LEF1: variants seen among roughly 807,000 people sequenced by gnomAD.
The protein encoded by LEF1 is lymphoid enhancer-binding factor 1.
Under a neutral mutation model 51.2 loss-of-function variants are expected in LEF1, and 14 were observed. The ratio of observed to expected loss-of-function variants is 0.27; its 90% CI spans 0.18 to 0.43. LEF1 has a LOEUF of 0.43. Among genes scored for constraint, LEF1 ranks in the 20% least tolerant of loss-of-function variants. LEF1 has a pLI of 1.00. For synonymous variants in LEF1, 185 were observed against 183.2 expected, an observed-to-expected ratio of 1.01 and a Z score of -0.08; for missense variants, 386 against 512.0, an observed-to-expected ratio of 0.75 and a Z score of 2.37.
intron 3 of LEF1, among the ~76,000 whole-genome samples, chr4:108,090,890 C>T (rs924624892): frequency 2.0e-5 from 3 of 152,158 alleles, no homozygotes; most frequent in Non-Finnish European, 4.4e-5. Context: ...AGGGACTCAA[C>T]ACAATTATAT....
chr4:108,165,365 C>T, intron 1 of LEF1: 1 of 520,398 alleles, frequency 1.9e-6, no homozygotes. Context: ...GATTATTATC[C>T]ACCCGGGACC....
intron 3 of LEF1, among the ~76,000 whole-genome samples, chr4:108,139,403 T>G (rs1426723594): frequency 2.6e-5 from 4 of 152,258 alleles, no homozygotes; most frequent in Non-Finnish European, 1.5e-5. Flanking sequence ...TTAAATAGCA[T>G]GGCATCTACA....
chr4:108,081,940 C>T (rs747181591), intron 5 of LEF1, among the ~76,000 whole-genome samples: 4 of 152,186 alleles, frequency 2.6e-5, no homozygotes, highest in Non-Finnish European at 5.9e-5. Context: ...CCTCTCCCAA[C>T]CCCATTAATG....
chr4:108,092,158 G>A (rs1057152114), intron 3 of LEF1, among the ~76,000 whole-genome samples: 2 of 152,000 alleles, frequency 1.3e-5, no homozygotes, highest in African/African-American at 2.4e-5. Context: ...TTAATTTTAC[G>A]GTTTTCAACA....
At chr4:108,077,288 G>A (rs56124661) in intron 8 of LEF1, among the ~76,000 whole-genome samples, 4 of 151,968 alleles carry the variant, frequency 2.6e-5, no homozygotes, top group South Asian at 2.1e-4. Flanking sequence ...CTGCCTGGCC[G>A]CCCAACTGAC....
intron 3 of LEF1, among the ~76,000 whole-genome samples, chr4:108,111,992 C>T (rs1741562276): frequency 6.6e-6 from 1 of 152,182 alleles, no homozygotes; most frequent in African/African-American, 2.4e-5. Flanking sequence ...GACACTGTAT[C>T]TTCTCATCTG....
chr4:108,156,863 T>G, intron 3 of LEF1, among the ~76,000 whole-genome samples: 1 of 142,614 alleles, frequency 7.0e-6, no homozygotes, highest in Non-Finnish European at 1.5e-5. Context: ...GGTGAGGGGG[T>G]AGGAGGGGGG....
intron 3 of LEF1, among the ~76,000 whole-genome samples, chr4:108,122,529 G>A (rs1481650059): frequency 6.6e-6 from 1 of 152,174 alleles, no homozygotes; most frequent in Non-Finnish European, 1.5e-5. Context: ...CCAGGCTGGA[G>A]TGCAGTGGTT....
intron 3 of LEF1, among the ~76,000 whole-genome samples, chr4:108,155,079 C>A (rs1181516147): frequency 6.6e-6 from 1 of 152,134 alleles, no homozygotes; most frequent in Non-Finnish European, 1.5e-5. Context: ...CATACGGCTC[C>A]TGGATATCCT....
intron 4 of LEF1, among the ~76,000 whole-genome samples, chr4:108,085,048 C>T (rs551584496): frequency 1.1e-4 from 16 of 152,240 alleles, no homozygotes; most frequent in Admixed American, 6.5e-4. Flanking sequence ...ACTTGAAAAT[C>T]GTAGCGGTCA....
At chr4:108,131,401 A>C (rs1337041496) in intron 3 of LEF1, among the ~76,000 whole-genome samples, 1 of 152,144 alleles carries the variant, frequency 6.6e-6, no homozygotes, top group African/African-American at 2.4e-5. Context: ...AAAAAAAAAA[A>C]AAAATGTTTT....
In LEF1 at chr4:108,113,406, C is replaced by CTT. The variant is rs1741647765; in HGVS notation, c.415-24151_415-24150dup. Reference sequence around the variant, plus strand: ...AAGGGAACACCTACTGAACGACTGTCTTTTGACAAGTCCTGAAACAAACCC... The same window carrying CTT: ...AAGGGAACACCTACTGAACGACTGTCTTTTTTGACAAGTCCTGAAACAAACCC... On this transcript the variant is annotated intron_variant, in intron 3 of 11. Transcript: ENST00000265165. 2.0e-5 allele frequency among the ~76,000 whole-genome samples: 3 copies of CTT among 152,156 alleles called. No homozygotes were observed. In the South Asian group the frequency reaches 6.2e-4, roughly 31 times the overall value.
At chr4:108,132,383 T>C (rs1165716138) in intron 3 of LEF1, among the ~76,000 whole-genome samples, 2 of 152,060 alleles carry the variant, frequency 1.3e-5, no homozygotes, top group Non-Finnish European at 2.9e-5. Context: ...TAGAATCCCT[T>C]TTTCCTCTTC....
chr4:108,117,359 A>G (rs1004574222), intron 3 of LEF1, among the ~76,000 whole-genome samples: 2 of 152,234 alleles, frequency 1.3e-5, no homozygotes, highest in Non-Finnish European at 2.9e-5. Context: ...CGGTTTAACT[A>G]TAGTGTAATT....
intron 9 of LEF1, among the ~76,000 whole-genome samples, chr4:108,065,207 C>T (rs1454282817): frequency 6.6e-6 from 1 of 152,178 alleles, no homozygotes; most frequent in East Asian, 1.9e-4. Flanking sequence ...TAATTTTAGG[C>T]TGGGTGTGGT....
intron 3 of LEF1, among the ~76,000 whole-genome samples, chr4:108,100,720 T>C (rs1163442676): frequency 6.6e-6 from 1 of 152,140 alleles, no homozygotes; most frequent in Non-Finnish European, 1.5e-5. Context: ...TAGCCTGAAA[T>C]TGGTCATGGT....
intron 3 of LEF1, among the ~76,000 whole-genome samples, chr4:108,159,845 A>G (rs1308162281): frequency 6.6e-6 from 1 of 152,174 alleles, no homozygotes; most frequent in Non-Finnish European, 1.5e-5. Context: ...TTTCTACTTT[A>G]AAAAAATAAA....
chr4:108,070,826 AT>A, intron 8 of LEF1, 56 bp from the exon 9 acceptor site: 1 of 1,111,210 alleles, frequency 9.0e-7, no homozygotes, highest in Non-Finnish European at 1.3e-6. Context: ...GCAATAGCAT[AT>A]TTTATGTTTC....
At chr4:108,063,592 G>A (rs1031983379) in intron 11 of LEF1, 31 bp downstream of exon 11, 12 of 1,561,492 alleles carry the variant, frequency 7.7e-6, no homozygotes, top group Middle Eastern at 1.7e-4. Context: ...AACAACTAAC[G>A]TCAGCAGTAG....
Sources: gnomAD v4.1 joint callset for allele counts (sites outside exome capture counted in the v4.1 genomes callset) on GRCh38, gnomAD v4.1.1 for gene constraint, MANE v1.5 for transcripts, NCBI Gene and HGNC (gene_info 2026-07-23, HGNC 2026-07-21) for gene names.